SPHKAP: variants seen among roughly 807,000 people sequenced by gnomAD.
SPHKAP encodes SPHK1 interactor, AKAP domain containing, also known as A-kinase anchor protein SPHKAP.
In SPHKAP, 67 loss-of-function variants were observed where a neutral mutation model predicts 137.5. The ratio of observed to expected loss-of-function variants is 0.49; its 90% CI spans 0.40 to 0.60. The LOEUF (loss-of-function observed/expected upper bound fraction) is 0.60, where lower values mean the gene tolerates loss of function less well. SPHKAP is among the 20% of genes least tolerant of loss of function. The probability of loss-of-function intolerance (pLI) is 0.00; values close to 1 mark genes in which losing one functional copy is unlikely to be tolerated. For missense variants in SPHKAP, 2,097 were observed against 2,069.3 expected (o/e 1.01, Z -0.26); for synonymous variants, 813 against 785.3 (o/e 1.04, Z -0.59).
At chr2:228,042,327 C>T (rs1695884515) in intron 3 of SPHKAP, among the ~76,000 whole-genome samples, 2 of 152,086 alleles carry the variant, frequency 1.3e-5, no homozygotes, top group Non-Finnish European at 1.5e-5. Flanking sequence ...AGGATATTTA[C>T]TCAATTATTT....
At chr2:228,014,919 ATT>A (rs1422408730) in intron 7 of SPHKAP, among the ~76,000 whole-genome samples, 16 of 152,032 alleles carry the variant, frequency 1.1e-4, no homozygotes, top group African/African-American at 3.4e-4. Context: ...TTTAAATTTA[ATT>A]TTATTATTAT....
chr2:228,034,187 A>G (rs1322043332), intron 3 of SPHKAP, among the ~76,000 whole-genome samples: 1 of 152,220 alleles, frequency 6.6e-6, no homozygotes, highest in Non-Finnish European at 1.5e-5. Context: ...ATAAAAAATG[A>G]TAAAGGTGAT....
chr2:228,032,678 C>T (rs1429691168), intron 3 of SPHKAP, among the ~76,000 whole-genome samples: 2 of 152,198 alleles, frequency 1.3e-5, no homozygotes, highest in Admixed American at 6.5e-5. Context: ...CAGCTGATCT[C>T]TTGGCAGAAA....
At chr2:228,032,112 G>A (rs905729584) in intron 3 of SPHKAP, among the ~76,000 whole-genome samples, 6 of 152,176 alleles carry the variant, frequency 3.9e-5, no homozygotes, top group African/African-American at 1.4e-4. Flanking sequence ...CAAACCAATG[G>A]CAAAGAAGTT....
chr2:228,142,820 C>G (rs1383061038), intron 1 of SPHKAP, among the ~76,000 whole-genome samples: 1 of 152,134 alleles, frequency 6.6e-6, no homozygotes, highest in Non-Finnish European at 1.5e-5. Flanking sequence ...ATCTATATAA[C>G]AAACCTTCAC....
At chr2:228,050,592 CTG>C (rs1262192879) in intron 3 of SPHKAP, among the ~76,000 whole-genome samples, 3 of 152,162 alleles carry the variant, frequency 2.0e-5, no homozygotes, top group African/African-American at 7.2e-5. Context: ...ATCAAAGTAA[CTG>C]AAATATCTAT....
intron 3 of SPHKAP, among the ~76,000 whole-genome samples, chr2:228,055,027 A>G (rs1310595150): frequency 6.6e-6 from 1 of 151,208 alleles, no homozygotes; most frequent in Non-Finnish European, 1.5e-5. Flanking sequence ...CTGTAATCCC[A>G]GCTACTCAGG....
intron 7 of SPHKAP, among the ~76,000 whole-genome samples, chr2:228,005,455 G>A (rs1694092106): frequency 6.6e-6 from 1 of 152,304 alleles, no homozygotes; most frequent in East Asian, 1.9e-4. Flanking sequence ...CTGCATGTGA[G>A]ATGGGTTTCC....
Position 228,021,745 on chromosome 2 carries a change from C to T in SPHKAP, c.663G>A (p.Leu221=). 6.2e-7 allele frequency: 1 copy of T among 1,613,912 alleles called. No homozygotes were observed. The change falls in exon 6 of 12, where the codon TTG becomes TTA. Residue 221 remains leucine (L), a synonymous_variant. Coordinates refer to ENST00000392056, the MANE Select transcript of SPHKAP (RefSeq NM_001142644.2). ...ATTCATCCACCTCGCTTTCCTCCTCCAAGTGCTCAGAAGCGGTGAGAAAGT... is the reference window on the plus strand; with the variant it reads ...ATTCATCCACCTCGCTTTCCTCCTCTAAGTGCTCAGAAGCGGTGAGAAAGT... ...EEDFLTASEH[L]EEESEVDESR... is the part of the protein sequence containing the mutation.
intron 3 of SPHKAP, among the ~76,000 whole-genome samples, chr2:228,089,110 G>A (rs62201076): frequency 6.6e-6 from 1 of 152,232 alleles, no homozygotes; most frequent in African/African-American, 2.4e-5. Flanking sequence ...CAAGTTCTTA[G>A]ACAATTGTTG....
In SPHKAP at chr2:228,016,957, G is replaced by A; in HGVS notation, c.3897C>T (p.Asp1299=). 6.2e-7 allele frequency: 1 copy of A among 1,614,148 alleles called. No individual in the cohort carries two copies. Among genetic ancestry groups the A allele is most frequent in the African/African-American group, 1.3e-5 (1 of 75,040 alleles). The change falls in exon 7 of 12, where the codon GAC becomes GAT. Residue 1299 remains aspartate, a synonymous_variant. Coordinates refer to ENST00000392056, the MANE Select transcript of SPHKAP (RefSeq NM_001142644.2). Reference sequence around the variant, plus strand: ...CATGAATTAACATGTTGGTGATGTGGTCAGTCCCACCTCTCCGATACAAGC... The same window carrying A: ...CATGAATTAACATGTTGGTGATGTGATCAGTCCCACCTCTCCGATACAAGC... The part of the protein sequence containing the change: ...DSCLYRRGGT[D]HITNMLIHET...
Position 228,016,505 on chromosome 2 carries a change from C to A in SPHKAP, c.4349G>T (p.Ser1450Ile), listed in dbSNP as rs771129092. 6.2e-7 allele frequency: 1 copy of A among 1,613,892 alleles called. No homozygotes were observed. Among genetic ancestry groups the A allele is most frequent in the African/African-American group, 1.3e-5 (1 of 74,854 alleles). Residue 1450 changes from serine (S) to isoleucine (I), a missense_variant, in exon 7 of 12, where the codon AGC (serine) becomes ATC (isoleucine). By Grantham distance (142) the Ser-to-Ile change is moderately radical (BLOSUM62 -2). Coordinates refer to ENST00000392056, the MANE Select transcript of SPHKAP (RefSeq NM_001142644.2). ...CCCTTCTGCTTCCTCTAGGAGGCTG[C>A]TTTTGGAAAGGAAGGGTTCAGGTTC... ...AGEPEPFLSK[S>I]SLLEEAEGHS...
At chr2:228,116,226 A>C (rs1284531122) in intron 2 of SPHKAP, among the ~76,000 whole-genome samples, 2 of 152,176 alleles carry the variant, frequency 1.3e-5, no homozygotes, top group Non-Finnish European at 2.9e-5. Context: ...ATGTGTTCGT[A>C]TTGTAATTCT....
chr2:228,014,064 C>A (rs1362055148), intron 7 of SPHKAP, among the ~76,000 whole-genome samples: 2 of 152,026 alleles, frequency 1.3e-5, no homozygotes. Context: ...TGAATTGTAC[C>A]TATTTTAAGG....
chr2:228,128,420 T>A (rs1477584697), intron 2 of SPHKAP, among the ~76,000 whole-genome samples: 1 of 152,188 alleles, frequency 6.6e-6, no homozygotes, highest in East Asian at 1.9e-4. Context: ...CTACTTCCAA[T>A]TCTAGTTTTC....
chr2:228,128,424 A>G (rs1699143603), intron 2 of SPHKAP, among the ~76,000 whole-genome samples: 1 of 152,098 alleles, frequency 6.6e-6, no homozygotes, highest in African/African-American at 2.4e-5. Flanking sequence ...TTCCAATTCT[A>G]GTTTTCTTGT....
At chr2:227,982,136 A>G in intron 11 of SPHKAP, 1 of 983,706 alleles carries the variant, frequency 1.0e-6, no homozygotes, top group Non-Finnish European at 1.2e-6. Flanking sequence ...TTTTTTTTTA[A>G]GAGCCAGTCT....
intron 3 of SPHKAP, among the ~76,000 whole-genome samples, chr2:228,103,158 T>C (rs986782499): frequency 5.9e-5 from 9 of 152,230 alleles, no homozygotes; most frequent in African/African-American, 1.9e-4. Context: ...CCACCGATGT[T>C]CTGTGTCATG....
chr2:228,078,606 A>C (rs74655368), intron 3 of SPHKAP, among the ~76,000 whole-genome samples: 1 of 152,174 alleles, frequency 6.6e-6, no homozygotes. Context: ...CTACAGAAAC[A>C]TCAAGTCAAA....
Sources: allele counts gnomAD v4.1 joint callset (sites outside exome capture counted in the v4.1 genomes callset), GRCh38; gene constraint gnomAD v4.1.1; transcripts MANE v1.5; gene names NCBI Gene and HGNC (gene_info 2026-07-23, HGNC 2026-07-21).